B4GALT5: variants seen among roughly 807,000 people sequenced by gnomAD.
B4GALT5 encodes UDP-Gal:beta-GlcNAc beta-1,4-galactosyltransferase 5.
A neutral mutation model predicts 45.0 loss-of-function variants in B4GALT5; 11 were observed. The observed-to-expected ratio is 0.24, with a 90% confidence interval of 0.15 to 0.40. The LOEUF is 0.40. Among genes scored for constraint, B4GALT5 ranks in the 10% least tolerant of loss-of-function variants. The pLI, the probability that B4GALT5 is intolerant of heterozygous loss-of-function variation, is 1.00. For missense variants in B4GALT5, 337 were observed against 500.2 expected, an observed-to-expected ratio of 0.67 and a Z score of 3.11; for synonymous variants, 185 against 182.9, an observed-to-expected ratio of 1.01 and a Z score of -0.09.
intron 1 of B4GALT5, among the ~76,000 whole-genome samples, chr20:49,665,641 C>G (rs1226055877): frequency 6.6e-6 from 1 of 150,380 alleles, no homozygotes; most frequent in African/African-American, 2.5e-5. Context: ...GCCCTATACT[C>G]TAAAGATAAA....
At chr20:49,667,543 G>T (rs939153469) in intron 1 of B4GALT5, among the ~76,000 whole-genome samples, 1 of 147,778 alleles carries the variant, frequency 6.8e-6, no homozygotes, top group African/African-American at 2.5e-5. Flanking sequence ...GTGAGCCACC[G>T]CGCCCGGCCT....
intron 7 of B4GALT5, among the ~76,000 whole-genome samples, chr20:49,638,023 ATTTT>A (rs11386089): frequency 2.7e-5 from 4 of 148,984 alleles, no homozygotes; most frequent in African/African-American, 9.8e-5. Flanking sequence ...GTATCATCTA[ATTTT>A]TTTTTTTTAA....
Position 49,642,463 on chromosome 20 carries a change from C to T in B4GALT5, c.606+5G>A, listed in dbSNP as rs765643537. On this transcript the variant is annotated splice_donor_5th_base_variant and intron_variant, in intron 5 of 8. Coordinates refer to ENST00000371711, the MANE Select transcript of B4GALT5 (RefSeq NM_004776.4). Reference sequence around the variant, plus strand: ...AAAAAGAAAGGAAAAGAAAGGACTACTCACTTGTTCAACCACATAAAATGC... The same window carrying T: ...AAAAAGAAAGGAAAAGAAAGGACTATTCACTTGTTCAACCACATAAAATGC... 3 of 1,596,696 alleles carry T rather than the reference C, an allele frequency of 1.9e-6. No homozygotes were observed. Among genetic ancestry groups the T allele is most frequent in the African/African-American group, 1.3e-5 (1 of 74,478 alleles).
chr20:49,661,036 T>C (rs1308514075), intron 1 of B4GALT5, among the ~76,000 whole-genome samples: 1 of 152,216 alleles, frequency 6.6e-6, no homozygotes, highest in Non-Finnish European at 1.5e-5. Context: ...TACATATGCA[T>C]ACACATGTTG....
chr20:49,640,908 T>C (rs2085574383), intron 5 of B4GALT5, among the ~76,000 whole-genome samples: 1 of 151,846 alleles, frequency 6.6e-6, no homozygotes, highest in East Asian at 1.9e-4. Context: ...GGATCAGGAG[T>C]TCGAGACCAG....
intron 1 of B4GALT5, among the ~76,000 whole-genome samples, chr20:49,674,081 C>CAAAAAAAAAAAAA (rs34718276): frequency 4.2e-5 from 4 of 94,530 alleles, no homozygotes; most frequent in East Asian, 3.2e-4. Context: ...ATTAAAAATA[C>CAAAAAAAAAAAAA]AAAAAAAAAA....
intron 1 of B4GALT5, among the ~76,000 whole-genome samples, chr20:49,675,801 T>C (rs1237324753): frequency 2.0e-5 from 3 of 152,196 alleles, no homozygotes; most frequent in Non-Finnish European, 4.4e-5. Context: ...AAACTGTCAG[T>C]AGCCAACTGT....
intron 3 of B4GALT5, among the ~76,000 whole-genome samples, chr20:49,646,195 T>C (rs954998574): frequency 1.3e-5 from 2 of 152,182 alleles, no homozygotes; most frequent in African/African-American, 2.4e-5. Flanking sequence ...AAAGGTATAA[T>C]AGTAAGGTTC....
intron 1 of B4GALT5, among the ~76,000 whole-genome samples, chr20:49,662,367 T>A (rs1002306568): frequency 2.0e-5 from 3 of 152,122 alleles, no homozygotes; most frequent in African/African-American, 7.2e-5. Context: ...TTGTCCCCCA[T>A]AAGAATGTGA....
At chr20:49,640,984 G>A (rs1047213639) in intron 5 of B4GALT5, among the ~76,000 whole-genome samples, 10 of 152,202 alleles carry the variant, frequency 6.6e-5, no homozygotes, top group African/African-American at 2.2e-4. Flanking sequence ...GCGTAGTGGC[G>A]CATGCCTGTA....
chr20:49,684,479 T>A, intron 1 of B4GALT5: 3 of 484,472 alleles, frequency 6.2e-6, no homozygotes, highest in Non-Finnish European at 8.2e-6. Context: ...AGCAGAATGG[T>A]GTGAACCCAG....
intron 3 of B4GALT5, among the ~76,000 whole-genome samples, chr20:49,643,922 C>CTTTTTTTTT (rs138727530): frequency 1.9e-5 from 1 of 52,184 alleles, no homozygotes; most frequent in East Asian, 6.8e-4. Flanking sequence ...AGTAGCTGAG[C>CTTTTTTTTT]TTTTTTTTTT....
intron 1 of B4GALT5, among the ~76,000 whole-genome samples, chr20:49,676,195 G>C (rs1413770414): frequency 6.6e-6 from 1 of 152,018 alleles, no homozygotes; most frequent in African/African-American, 2.4e-5. Context: ...TATGTAGAGA[G>C]AGAGAGTGTG....
chr20:49,675,618 A>T (rs991107117), intron 1 of B4GALT5, among the ~76,000 whole-genome samples: 3 of 152,122 alleles, frequency 2.0e-5, no homozygotes, highest in Non-Finnish European at 4.4e-5. Context: ...GTGCACAAGG[A>T]AACACCTGAA....
rs200489187 is a variant in B4GALT5, at chr20:49,681,515, C to A, written c.116-24813G>T. On this transcript the variant is annotated intron_variant, in intron 1 of 8. Transcript: ENST00000371711. ...TTTCAAATACCACCTGTTTGCTGGACACTCCCAAATCCTTATATTGAGCCC... is the reference window on the plus strand; with the variant it reads ...TTTCAAATACCACCTGTTTGCTGGAAACTCCCAAATCCTTATATTGAGCCC... Among the ~76,000 whole-genome samples, 25 of 152,274 alleles carry A rather than the reference C, an allele frequency of 1.6e-4. No individual in the cohort carries two copies. In the East Asian group the frequency reaches 4.8e-3, roughly 29 times the overall value.
At chr20:49,708,253 T>C (rs2085893359) in intron 1 of B4GALT5, among the ~76,000 whole-genome samples, 1 of 151,876 alleles carries the variant, frequency 6.6e-6, no homozygotes, top group African/African-American at 2.4e-5. Context: ...TCTCAAAAAA[T>C]AGTAAGATAA....
At chr20:49,690,867 T>C (rs1371778312) in intron 1 of B4GALT5, among the ~76,000 whole-genome samples, 2 of 152,204 alleles carry the variant, frequency 1.3e-5, no homozygotes, top group Non-Finnish European at 2.9e-5. Context: ...AATTTATCTA[T>C]AATTTATATT....
chr20:49,670,858 C>G lies in B4GALT5; in HGVS notation c.116-14156G>C, dbSNP rs184372023. 2.1e-3 allele frequency among the ~76,000 whole-genome samples: 325 copies of G among 152,278 alleles called. 1 individual carries two copies. Among genetic ancestry groups the G allele is most frequent in the African/African-American group, 7.3e-3 (303 of 41,560 alleles). The stretch of plus-strand genomic sequence containing the variant: ...CAGATCAAAGTGAAATGTTCATACT[C>G]TAACCCAGTAGTTCCTACTTTCAGG... On this transcript the variant is annotated intron_variant, in intron 1 of 8. Transcript: ENST00000371711.
intron 1 of B4GALT5, chr20:49,684,568 A>G (rs914371645): frequency 1.9e-6 from 1 of 518,550 alleles, no homozygotes; most frequent in Non-Finnish European, 3.8e-6. Context: ...TCAAGAAGAA[A>G]AAAAAGTTGG....
Sources: allele counts gnomAD v4.1 joint callset (sites outside exome capture counted in the v4.1 genomes callset), GRCh38; gene constraint gnomAD v4.1.1; transcripts MANE v1.5; gene names NCBI Gene and HGNC (gene_info 2026-07-23, HGNC 2026-07-21).